CEP170B: variants seen among roughly 807,000 people sequenced by gnomAD.
CEP170B encodes centrosomal protein of 170 kDa protein B.
Under a neutral mutation model 120.6 loss-of-function variants are expected in CEP170B, and 55 were observed. That is an observed-to-expected ratio of 0.46 (90% CI 0.37 to 0.57). The LOEUF is 0.57. Ranked by LOEUF, CEP170B falls within the 20% of genes least tolerant of loss-of-function variation. The pLI is 0.00. For synonymous variants in CEP170B, 1,033 were observed against 954.5 expected (o/e 1.08, Z -1.52); for missense variants, 2,212 against 2,253.3 (o/e 0.98, Z 0.37).
Position 104,887,992 on chromosome 14 carries a change from C to G in CEP170B, c.3739+14C>G. On this transcript the variant is annotated intron_variant, in intron 12 of 18. Coordinates refer to ENST00000414716, the MANE Select transcript of CEP170B (RefSeq NM_001112726.3). Reference sequence around the variant, plus strand: ...GATACACCTCCAGTGAGTGCCAGGGCGGGTGGGAGGCCAGGGCCAAGACAG... The same window carrying G: ...GATACACCTCCAGTGAGTGCCAGGGGGGGTGGGAGGCCAGGGCCAAGACAG... 1.4e-6 allele frequency: 2 copies of G among 1,471,264 alleles called. No individual in the cohort carries two copies. Among genetic ancestry groups the G allele is most frequent in the Non-Finnish European group, 1.8e-6 (2 of 1,110,710 alleles). The allele number at this position is 1,471,264 out of a possible 1,614,324, so 91.1% of individuals were successfully genotyped here. A position where few individuals can be genotyped will look rare whatever the true frequency, so the allele number is the denominator to read the frequency against.
At position 104,887,093 on chromosome 14, in the gene CEP170B, G is replaced by C; in HGVS notation, c.2854G>C (p.Gly952Arg). Residue 952 changes from glycine (G) to arginine (R), a missense_variant, in exon 12 of 19, where the codon GGG becomes CGG. Physicochemically the swap from Gly to Arg is moderately radical, Grantham distance 125 (BLOSUM62 -2). Coordinates refer to ENST00000414716, the MANE Select transcript of CEP170B (RefSeq NM_001112726.3). ...TPRPPEDALS[G>R]DSDVDTASTV... ...GAGGCCGCCGGAGGACGCCCTGTCTGGGGACTCGGACGTGGACACAGCCAG... is the reference window on the plus strand; with the variant it reads ...GAGGCCGCCGGAGGACGCCCTGTCTCGGGACTCGGACGTGGACACAGCCAG... The C allele has an allele frequency of 6.2e-7, 1 of 1,611,354 alleles. No homozygotes were observed. Among genetic ancestry groups the C allele is most frequent in the Non-Finnish European group, 8.5e-7 (1 of 1,179,672 alleles).
intron 6 of CEP170B, among the ~76,000 whole-genome samples, chr14:104,882,161 T>C (rs60546333): frequency 0.049 from 7,440 of 152,202 alleles, 629 homozygotes; most frequent in African/African-American, 0.17. Flanking sequence ...AGTGAGATTC[T>C]ATCTGAAATA....
At position 104,886,436 on chromosome 14, in the gene CEP170B, C is replaced by G. The variant is rs1373605741; in HGVS notation, c.2197C>G (p.Pro733Ala). Residue 733 changes from proline (P) to alanine (A), a missense_variant, in exon 12 of 19, where the codon CCC becomes GCC. Around this residue, in one of 2 missense-constraint regions of CEP170B, gnomAD observed 2,166 missense variants for 2,166.7 expected, o/e 1.00. Coordinates refer to ENST00000414716, the MANE Select transcript of CEP170B (RefSeq NM_001112726.3). ...GCCACCGGAGCTGGACAGTGAGCAGCCCAGCCGCCTCTTCGGCCAGGAGGA... is the reference window on the plus strand; with the variant it reads ...GCCACCGGAGCTGGACAGTGAGCAGGCCAGCCGCCTCTTCGGCCAGGAGGA... ...PGPPELDSEQPSRLFGQEELD... is the reference protein window; with the variant it reads ...PGPPELDSEQASRLFGQEELD... 6.3e-7 allele frequency: 1 copy of G among 1,575,916 alleles called. No individual in the cohort carries two copies. Among genetic ancestry groups the G allele is most frequent in the South Asian group, 1.2e-5 (1 of 86,256 alleles).
intron 5 of CEP170B, 45 bp from the exon 6 acceptor site, chr14:104,880,242 C>A (rs574900996): frequency 3.9e-6 from 6 of 1,556,250 alleles, no homozygotes; most frequent in Middle Eastern, 1.7e-4. Context: ...GTGGGTTCCT[C>A]CTGAGGCTGG....
chr14:104,883,776 G>A (rs984157860), intron 8 of CEP170B, 55 bp from the exon 9 acceptor site: 17 of 1,452,418 alleles, frequency 1.2e-5, no homozygotes, highest in African/African-American at 5.7e-5. Context: ...GCCTGAGATC[G>A]ACAGCTGTTT....
Position 104,896,588 on chromosome 14 carries a change from C to T in CEP170B, c.*1630C>T, listed in dbSNP as rs1464318655. On this transcript the variant is annotated 3_prime_UTR_variant, in exon 19 of 19. Coordinates refer to ENST00000414716, the MANE Select transcript of CEP170B (RefSeq NM_001112726.3). The stretch of plus-strand genomic sequence containing the variant: ...CTGAGCTCCTTTGTTCCTCCCCCTC[C>T]AGCCTTTGCCTGGGAACTGGTCCTT... The T allele has an allele frequency of 4.4e-6, 2 of 456,232 alleles. No homozygotes were observed. The highest frequency in any genetic ancestry group is 3.1e-5 in the South Asian group (2 of 64,550). 28.3% of individuals were successfully genotyped at this position (456,232 alleles called of 1,614,324 possible). A position where few individuals can be genotyped will look rare whatever the true frequency, so the allele number is the denominator to read the frequency against.
rs751933869 is a variant in CEP170B, at chr14:104,894,770, T to C, written c.4477T>C (p.Leu1493=). 1.9e-6 allele frequency: 3 copies of C among 1,604,186 alleles called. No homozygotes were observed. In the South Asian group the frequency reaches 3.3e-5, roughly 18 times the overall value. Residue 1493 remains leucine, a synonymous_variant, in exon 19 of 19, where the codon TTG becomes CTG. Transcript: ENST00000414716. ...SLDLLTGNRS[L]ASSAQPGLGK... ...GGACCTGCTCACAGGAAACAGGAGC[T>C]TGGCCAGCTCTGCACAGCCGGGGCT...
chr14:104,873,123 C>T (rs1214450370), intron 2 of CEP170B, among the ~76,000 whole-genome samples: 2 of 152,090 alleles, frequency 1.3e-5, no homozygotes, highest in Non-Finnish European at 2.9e-5. Context: ...GTGTCTCCAG[C>T]GCTTCCTGCA....
intron 5 of CEP170B, among the ~76,000 whole-genome samples, chr14:104,879,036 GC>G (rs1896007145): frequency 1.3e-5 from 2 of 152,180 alleles, no homozygotes; most frequent in Non-Finnish European, 2.9e-5. Flanking sequence ...AGGGTATAGA[GC>G]CCCTGAGCCC....
At chr14:104,878,009 C>G in intron 4 of CEP170B, 46 bp downstream of exon 4, 1 of 1,472,672 alleles carries the variant, frequency 6.8e-7, no homozygotes, top group East Asian at 2.3e-5. Context: ...CTTCTCAGTC[C>G]CCAGGACCAC....
intron 2 of CEP170B, among the ~76,000 whole-genome samples, chr14:104,869,410 C>T (rs1895358740): frequency 6.6e-6 from 1 of 152,206 alleles, no homozygotes; most frequent in Admixed American, 6.5e-5. Flanking sequence ...TACTGCCGCA[C>T]ATGCCCGGGC....
chr14:104,893,444 G>C (rs1170756529), intron 14 of CEP170B, 79 bp from the exon 15 acceptor site: 6 of 1,509,198 alleles, frequency 4.0e-6, no homozygotes, highest in Non-Finnish European at 5.4e-6. Flanking sequence ...CCACCTGCCG[G>C]GCCGGAGCAG....
rs780724340 is a variant in CEP170B, at chr14:104,883,126, C to T, written c.669C>T (p.Pro223=). 11 of 1,599,520 alleles carry T rather than the reference C, an allele frequency of 6.9e-6. No homozygotes were observed. The highest frequency in any genetic ancestry group is 9.4e-6 in the Non-Finnish European group (11 of 1,175,372). ...AGGGCTGCTCGTTCCGGCGGGAGCC[C>T]AGCTACTTCGAGATCCCCACGAAGG... ...EPQGCSFRRE[P]SYFEIPTKET... The change falls in exon 8 of 19, where the codon CCC becomes CCT. Residue 223 remains proline, a synonymous_variant. Coordinates refer to ENST00000414716, the MANE Select transcript of CEP170B (RefSeq NM_001112726.3).
chr14:104,865,086 C>T (rs867122709), upstream of CEP170B, among the ~76,000 whole-genome samples: 4 of 151,152 alleles, frequency 2.6e-5, no homozygotes, highest in African/African-American at 7.3e-5. This position sits in a 1 kb window ranked among gnomAD's most constrained non-coding sequence, Gnocchi z 6.7. Context: ...TGGCGGCTCG[C>T]CAAGCCTCTG....
At chr14:104,893,181 A>G (rs1896932460) in intron 14 of CEP170B, 46 bp downstream of exon 14, 1 of 1,574,806 alleles carries the variant, frequency 6.3e-7, no homozygotes, top group African/African-American at 1.4e-5. Flanking sequence ...GCCACCCTCG[A>G]GGAGGGTCAG....
chr14:104,881,395 C>T (rs1291266675), intron 6 of CEP170B, among the ~76,000 whole-genome samples: 1 of 152,136 alleles, frequency 6.6e-6, no homozygotes, highest in Non-Finnish European at 1.5e-5. Flanking sequence ...GAGGGGTCAC[C>T]CTGCCACCCC....
In CEP170B at chr14:104,886,650, G is replaced by C. The variant is rs1362429455; in HGVS notation, c.2411G>C (p.Gly804Ala). 1 of 1,530,662 alleles carries C rather than the reference G, an allele frequency of 6.5e-7. No homozygotes were observed. The highest frequency in any genetic ancestry group is 8.8e-7 in the Non-Finnish European group (1 of 1,141,602). 94.8% of individuals were successfully genotyped at this position (1,530,662 alleles called of 1,614,324 possible). Residue 804 changes from glycine to alanine, a missense_variant, in exon 12 of 19, where the codon GGG becomes GCG. Transcript: ENST00000414716. The part of the protein sequence containing the change: ...PASFFIGDQN[G>A]DAVLSRKPLA... Reference sequence around the variant, plus strand: ...TCTTTCTTCATTGGGGACCAGAATGGGGACGCTGTGTTATCTAGGAAACCG... The same window carrying C: ...TCTTTCTTCATTGGGGACCAGAATGCGGACGCTGTGTTATCTAGGAAACCG...
rs1014476224 is a variant in CEP170B, at chr14:104,887,326, A to C, written c.3087A>C (p.Ser1029=). The C allele has an allele frequency of 1.2e-6, 2 of 1,611,002 alleles. No homozygotes were observed. Among genetic ancestry groups the C allele is most frequent in the African/African-American group, 2.7e-5 (2 of 74,934 alleles). The stretch of plus-strand genomic sequence containing the variant: ...GCCGTGGAGAGCCGGTACGGCGCTC[A>C]GCCATAAGGCGTGGCCACAGGCCCC... The part of the protein sequence containing the change: ...DMGRGEPVRR[S]AIRRGHRPRG... The change falls in exon 12 of 19, where the codon TCA becomes TCC. Residue 1029 remains serine (S), a synonymous_variant. Transcript: ENST00000414716.
chr14:104,883,519 A>G lies in CEP170B; in HGVS notation c.1051+11A>G. 14 of 1,526,700 alleles carry G rather than the reference A, an allele frequency of 9.2e-6. No individual in the cohort carries two copies. Among genetic ancestry groups the G allele is most frequent in the Non-Finnish European group, 1.2e-5 (14 of 1,132,400 alleles). The allele number at this position is 1,526,700 out of a possible 1,614,324, so 94.6% of individuals were successfully genotyped here. A position where few individuals can be genotyped will look rare whatever the true frequency, so the allele number is the denominator to read the frequency against. ...CCCGCACCCTGAAGGGTGAGTGCCC[A>G]GCTGGCGGCCGTGCCAGTCCCGGGA... On this transcript the variant is annotated intron_variant, in intron 8 of 18. Transcript: ENST00000414716.
Sources: allele counts gnomAD v4.1 joint callset (sites outside exome capture counted in the v4.1 genomes callset), GRCh38; gene constraint gnomAD v4.1.1; regional missense constraint gnomAD v4.1.1; non-coding constraint Gnocchi (gnomAD v3.1); transcripts MANE v1.5; gene names NCBI Gene and HGNC (gene_info 2026-07-23, HGNC 2026-07-21).